EXOC4: variants seen among roughly 807,000 people sequenced by gnomAD.
The protein encoded by EXOC4 is exocyst complex component 4.
In EXOC4, 71 loss-of-function variants were observed where a neutral mutation model predicts 107.2. The ratio of observed to expected loss-of-function variants is 0.66; its 90% CI spans 0.55 to 0.81. EXOC4 has a LOEUF of 0.81. EXOC4 is among the 30% of genes least tolerant of loss of function. The pLI, the probability that EXOC4 is intolerant of heterozygous loss-of-function variation, is 0.00. For missense variants in EXOC4, 1,108 were observed against 1,189.6 expected, an observed-to-expected ratio of 0.93 and a Z score of 1.01; for synonymous variants, 456 against 441.2, an observed-to-expected ratio of 1.03 and a Z score of -0.42.
chr7:133,688,421 C>G (rs973322698), intron 10 of EXOC4, among the ~76,000 whole-genome samples: 3 of 152,028 alleles, frequency 2.0e-5, no homozygotes, highest in Admixed American at 6.6e-5. Context: ...TACTTTGAGT[C>G]CCAGTGGATT....
intron 9 of EXOC4, among the ~76,000 whole-genome samples, chr7:133,498,431 A>T (rs1799519184): frequency 2.0e-5 from 3 of 152,134 alleles, no homozygotes; most frequent in Admixed American, 2.0e-4. Flanking sequence ...TAAAAATACA[A>T]AAAGTTAGCT....
intron 10 of EXOC4, among the ~76,000 whole-genome samples, chr7:133,751,816 A>G (rs1015426055): frequency 1.3e-5 from 2 of 151,808 alleles, no homozygotes; most frequent in Non-Finnish European, 2.9e-5. Flanking sequence ...CGGCTACTCT[A>G]TTATATTCTC....
At chr7:134,002,147 T>C (rs757071980) in intron 15 of EXOC4, among the ~76,000 whole-genome samples, 1 of 152,156 alleles carries the variant, frequency 6.6e-6, no homozygotes, top group African/African-American at 2.4e-5. Context: ...AATTATACAT[T>C]TGTGCCAATT....
chr7:133,794,968 G>T (rs1796783406), intron 10 of EXOC4, among the ~76,000 whole-genome samples: 1 of 151,180 alleles, frequency 6.6e-6, no homozygotes, highest in South Asian at 2.1e-4. Flanking sequence ...ACAGGCCCCG[G>T]TGTGTGATGT....
At chr7:133,633,141 A>C (rs1026195639) in intron 10 of EXOC4, among the ~76,000 whole-genome samples, 4 of 152,180 alleles carry the variant, frequency 2.6e-5, no homozygotes, top group African/African-American at 9.6e-5. Context: ...ATGGGTTGCA[A>C]AAATGAAGAA....
chr7:133,297,246 A>G (rs892811569), intron 3 of EXOC4, among the ~76,000 whole-genome samples: 5 of 152,176 alleles, frequency 3.3e-5, no homozygotes, highest in African/African-American at 9.6e-5. Context: ...TAGTTAAATG[A>G]GATGATTTAG....
chr7:134,093,024 C>T, the EXOC4 span, among the ~76,000 whole-genome samples: 1 of 151,524 alleles, frequency 6.6e-6, no homozygotes, highest in Non-Finnish European at 1.5e-5. Context: ...AGCAAAAACA[C>T]AATAGAAATT....
intron 5 of EXOC4, among the ~76,000 whole-genome samples, chr7:133,325,217 G>A (rs931684443): frequency 2.4e-4 from 36 of 152,114 alleles, no homozygotes; most frequent in Non-Finnish European, 4.0e-4. Context: ...TACATTCAAG[G>A]GTGATATTGT....
chr7:133,757,993 A>G (rs1284060991), intron 10 of EXOC4, among the ~76,000 whole-genome samples: 1 of 152,160 alleles, frequency 6.6e-6, no homozygotes, highest in Non-Finnish European at 1.5e-5. Flanking sequence ...GAAGGATCAC[A>G]TTAATGGTTG....
At chr7:133,990,705 C>A (rs555757206) in intron 14 of EXOC4, among the ~76,000 whole-genome samples, 1 of 152,298 alleles carries the variant, frequency 6.6e-6, no homozygotes, top group African/African-American at 2.4e-5. Flanking sequence ...CCACCCACCT[C>A]GGCCTCCTGA....
the EXOC4 span, among the ~76,000 whole-genome samples, chr7:134,089,555 A>G: frequency 1.3e-5 from 2 of 152,324 alleles, no homozygotes; most frequent in Admixed American, 6.5e-5. Flanking sequence ...CTAGCTGTAA[A>G]GCAGGCAAGT....
chr7:133,561,257 G>T (rs1490508791), intron 9 of EXOC4, among the ~76,000 whole-genome samples: 2 of 152,152 alleles, frequency 1.3e-5, no homozygotes, highest in African/African-American at 4.8e-5. Flanking sequence ...TTGGCCTTTA[G>T]GTAGCCAGTC....
chr7:133,667,616 C>T (rs1309755103), intron 10 of EXOC4, among the ~76,000 whole-genome samples: 1 of 152,100 alleles, frequency 6.6e-6, no homozygotes, highest in African/African-American at 2.4e-5. Context: ...TTCCATGGAT[C>T]TTCTTGTTTT....
intron 5 of EXOC4, among the ~76,000 whole-genome samples, chr7:133,344,630 CTTTTT>C (rs1194562195): frequency 6.6e-6 from 1 of 152,026 alleles, no homozygotes; most frequent in Non-Finnish European, 1.5e-5. Flanking sequence ...TTTTTGTTTC[CTTTTT>C]TATTTCCCAG....
At chr7:133,759,326 T>C (rs966860627) in intron 10 of EXOC4, among the ~76,000 whole-genome samples, 1 of 152,110 alleles carries the variant, frequency 6.6e-6, no homozygotes, top group African/African-American at 2.4e-5. Context: ...ATATTATTTC[T>C]CTGAGCAGTC....
chr7:133,818,355 G>C (rs1797426007), intron 11 of EXOC4, among the ~76,000 whole-genome samples: 1 of 152,130 alleles, frequency 6.6e-6, no homozygotes, highest in South Asian at 2.1e-4. Context: ...ACATGTGGAA[G>C]GCTTGAGCTT....
chr7:133,271,170 G>A (rs186509130), intron 1 of EXOC4, among the ~76,000 whole-genome samples: 1 of 151,930 alleles, frequency 6.6e-6, no homozygotes, highest in Admixed American at 6.5e-5. Flanking sequence ...TGCCCGCCCC[G>A]GCCTCCCAAA....
intron 10 of EXOC4, among the ~76,000 whole-genome samples, chr7:133,684,558 C>T (rs1030769682): frequency 6.6e-6 from 1 of 151,922 alleles, no homozygotes; most frequent in African/African-American, 2.4e-5. Flanking sequence ...TAGAAAGGAC[C>T]CCATAAAAAG....
intron 12 of EXOC4, among the ~76,000 whole-genome samples, chr7:133,902,224 A>T (rs1449592783): frequency 6.6e-6 from 1 of 152,192 alleles, no homozygotes; most frequent in Non-Finnish European, 1.5e-5. Flanking sequence ...GTGTGTCAGG[A>T]TACCTTCAAA....
Sources: allele counts gnomAD v4.1 joint callset (sites outside exome capture counted in the v4.1 genomes callset), GRCh38; gene constraint gnomAD v4.1.1; transcripts MANE v1.5; gene names NCBI Gene and HGNC (gene_info 2026-07-23, HGNC 2026-07-21).